The following SCAPER variants were observed in gnomAD, a reference collection of about 807,000 sequenced individuals.
SCAPER encodes the protein S-phase cyclin A associated protein in the ER.
A neutral mutation model predicts 182.2 loss-of-function variants in SCAPER; 98 were observed. That is an observed-to-expected ratio of 0.54 (90% confidence interval 0.46 to 0.64). SCAPER has a LOEUF of 0.64. Among genes scored for constraint, SCAPER ranks in the 30% least tolerant of loss-of-function variants. The pLI is 0.00. For synonymous variants in SCAPER, 605 were observed against 564.6 expected (o/e 1.07, Z -1.01); for missense variants, 1,432 against 1,690.0 (o/e 0.85, Z 2.68).
intron 5 of SCAPER, among the ~76,000 whole-genome samples, chr15:76,830,642 T>G (rs1312267572): frequency 6.6e-6 from 1 of 152,010 alleles, no homozygotes; most frequent in Non-Finnish European, 1.5e-5. Context: ...AAAAGTAGTA[T>G]GTGTCATTCA....
chr15:76,443,839 G>A (rs2047794757), intron 25 of SCAPER, among the ~76,000 whole-genome samples: 1 of 152,176 alleles, frequency 6.6e-6, no homozygotes, highest in African/African-American at 2.4e-5. Context: ...AATAGGACAT[G>A]GCTTTACCAG....
chr15:76,721,975 T>C (rs1244907017), intron 17 of SCAPER, among the ~76,000 whole-genome samples: 1 of 151,986 alleles, frequency 6.6e-6, no homozygotes, highest in African/African-American at 2.4e-5. Context: ...TGAATAGGAG[T>C]GGTGAGAGAG....
intron 23 of SCAPER, among the ~76,000 whole-genome samples, chr15:76,565,687 CCTT>C (rs2046987067): frequency 6.6e-6 from 1 of 152,100 alleles, no homozygotes; most frequent in Admixed American, 6.6e-5. Context: ...AGTAAATTCT[CCTT>C]CTCTCAACAC....
At chr15:76,698,039 C>T (rs1432174063) in intron 20 of SCAPER, among the ~76,000 whole-genome samples, 1 of 151,974 alleles carries the variant, frequency 6.6e-6, no homozygotes, top group Non-Finnish European at 1.5e-5. Context: ...GTACACAAAA[C>T]ATGACTATAG....
intron 21 of SCAPER, among the ~76,000 whole-genome samples, chr15:76,649,551 A>T (rs1017614749): frequency 2.0e-5 from 3 of 150,784 alleles, no homozygotes; most frequent in African/African-American, 7.3e-5. Flanking sequence ...ATATATATGC[A>T]TTTTTAATAT....
chr15:76,900,649 G>C (rs1159921110), intron 1 of SCAPER, among the ~76,000 whole-genome samples: 1 of 152,146 alleles, frequency 6.6e-6, no homozygotes, highest in Non-Finnish European at 1.5e-5. Flanking sequence ...AGATGCCTAA[G>C]AATCCTAGAG....
intron 22 of SCAPER, among the ~76,000 whole-genome samples, chr15:76,581,682 G>A (rs1007470154): frequency 1.4e-4 from 21 of 152,140 alleles, no homozygotes; most frequent in African/African-American, 5.1e-4. Context: ...TGCCTCCCAA[G>A]TTCAAGCCAT....
chr15:76,490,412 T>C (rs781582309), intron 24 of SCAPER, among the ~76,000 whole-genome samples: 1 of 152,198 alleles, frequency 6.6e-6, no homozygotes, highest in Non-Finnish European at 1.5e-5. Flanking sequence ...TTTTCATATA[T>C]CTTTTGGCCA....
chr15:76,371,411 C>T (rs143585995), intron 29 of SCAPER, among the ~76,000 whole-genome samples: 2,242 of 151,800 alleles, frequency 0.015, 21 homozygotes, highest in Non-Finnish European at 0.023. Context: ...CCTCCGCCTC[C>T]CAGGTTCATG....
intron 21 of SCAPER, among the ~76,000 whole-genome samples, chr15:76,663,247 C>T (rs1410330723): frequency 6.6e-6 from 1 of 152,050 alleles, no homozygotes; most frequent in African/African-American, 2.4e-5. Flanking sequence ...TACATTCCCA[C>T]TAGAACTAAA....
chr15:76,829,762 C>T (rs1015429612), intron 5 of SCAPER, among the ~76,000 whole-genome samples: 6 of 152,128 alleles, frequency 3.9e-5, no homozygotes, highest in African/African-American at 1.4e-4. Context: ...TGTATGAAGT[C>T]TCATGGCTTC....
chr15:76,550,106 G>C (rs142788714), intron 23 of SCAPER, among the ~76,000 whole-genome samples: 71 of 152,162 alleles, frequency 4.7e-4, no homozygotes, highest in African/African-American at 1.6e-3. Flanking sequence ...TAACCCAACA[G>C]TAAAAAACAA....
At chr15:76,795,225 A>C (rs2065241155) in intron 8 of SCAPER, 55 bp downstream of exon 8, 6 of 1,441,990 alleles carry the variant, frequency 4.2e-6, no homozygotes, top group Non-Finnish European at 5.7e-6. Flanking sequence ...CAAAATAAGT[A>C]TCTCTATATA....
intron 20 of SCAPER, among the ~76,000 whole-genome samples, chr15:76,683,729 C>A (rs575849820): frequency 6.6e-6 from 1 of 151,810 alleles, no homozygotes; most frequent in Admixed American, 6.6e-5. Context: ...AGAAACCTTA[C>A]AAGACAGAAG....
At chr15:76,493,107 C>A (rs536494965) in intron 24 of SCAPER, among the ~76,000 whole-genome samples, 2 of 152,130 alleles carry the variant, frequency 1.3e-5, no homozygotes, top group African/African-American at 2.4e-5. Context: ...AGAGAAGGGT[C>A]TTCAAGGGGT....
Position 76,347,975 on chromosome 15 carries a change from T to TC in SCAPER, c.*657dup, listed in dbSNP as rs2040295153. 1 of 152,246 alleles carries TC rather than the reference T, an allele frequency of 6.6e-6. No individual in the cohort carries two copies. The highest frequency in any genetic ancestry group is 2.4e-5 in the African/African-American group (1 of 41,458). 9.4% of individuals were successfully genotyped at this position (152,246 alleles called of 1,614,324 possible). Reference sequence around the variant, plus strand: ...ATGTGAGAAAATACTCTAGGGTGATTCACTAGGACACATCTTTTTTATCAC... The same window carrying TC: ...ATGTGAGAAAATACTCTAGGGTGATTCCACTAGGACACATCTTTTTTATCAC... On this transcript the variant is annotated 3_prime_UTR_variant, in exon 32 of 32. Transcript: ENST00000563290.
chr15:76,401,161 A>G (rs756223358), intron 27 of SCAPER, among the ~76,000 whole-genome samples: 3 of 152,086 alleles, frequency 2.0e-5, no homozygotes, highest in Non-Finnish European at 4.4e-5. Flanking sequence ...ATAATCTTAT[A>G]TCATATATAA....
chr15:76,692,037 G>C (rs1470281847), intron 20 of SCAPER, among the ~76,000 whole-genome samples: 1 of 152,160 alleles, frequency 6.6e-6, no homozygotes, highest in Non-Finnish European at 1.5e-5. Context: ...ACTAAAAAGA[G>C]TCACTTTCCA....
intron 26 of SCAPER, among the ~76,000 whole-genome samples, chr15:76,418,850 G>C (rs942646519): frequency 3.3e-5 from 5 of 152,226 alleles, no homozygotes; most frequent in African/African-American, 7.2e-5. Flanking sequence ...GACTACTGCA[G>C]AGCCACATAG....
Sources: allele counts gnomAD v4.1 joint callset (sites outside exome capture counted in the v4.1 genomes callset), GRCh38; gene constraint gnomAD v4.1.1; transcripts MANE v1.5; gene names NCBI Gene and HGNC (gene_info 2026-07-23, HGNC 2026-07-21).